The following LTA4H variants were observed in gnomAD, a reference collection of about 807,000 sequenced individuals.
LTA4H encodes leukotriene A4 hydrolase.
LTA4H carries 59 observed loss-of-function variants against 89.8 expected under a neutral mutation model. The ratio of observed to expected loss-of-function variants is 0.66; its 90% CI spans 0.53 to 0.82. The LOEUF is 0.82. Ranked by LOEUF, LTA4H falls within the 40% of genes least tolerant of loss-of-function variation. The pLI is 0.00. For synonymous variants in LTA4H, 227 were observed against 253.1 expected (o/e 0.90, Z 0.98); for missense variants, 617 against 727.0 (o/e 0.85, Z 1.74).
At position 96,024,357 on chromosome 12, in the gene LTA4H, G is replaced by GAATTC. The variant is rs1950488233; in HGVS notation, c.480+121_480+122insGAATT. 18 of 568,154 alleles carry GAATTC rather than the reference G, an allele frequency of 3.2e-5. 1 individual carries two copies. The South Asian group carries it at 4.3e-4, about 14-fold the overall frequency. 35.2% of individuals were successfully genotyped at this position (568,154 alleles called of 1,614,324 possible). A position where few individuals can be genotyped will look rare whatever the true frequency, so the allele number is the denominator to read the frequency against. ...CAGCCTCTTTGTTTACATATTTCAG[G>GAATTC]TAGAATTTCATTAAGAAAAATAATT... On this transcript the variant is annotated intron_variant, in intron 4 of 18. Coordinates refer to ENST00000228740, the MANE Select transcript of LTA4H (RefSeq NM_000895.3).
chr12:96,025,878 A>G (rs1358719161), intron 3 of LTA4H, among the ~76,000 whole-genome samples: 1 of 152,104 alleles, frequency 6.6e-6, no homozygotes. Flanking sequence ...TCTGTTTACA[A>G]ATAAGTCTGT....
chr12:96,001,173 G>A, intron 18 of LTA4H, 67 bp from the exon 19 acceptor site: 2 of 976,630 alleles, frequency 2.0e-6, no homozygotes, highest in South Asian at 2.6e-5. Flanking sequence ...GAAAGGGAGG[G>A]AGAGAAGAAA....
intron 1 of LTA4H, 47 bp downstream of exon 1, chr12:96,035,314 G>A (rs1950627158): frequency 6.4e-7 from 1 of 1,566,650 alleles, no homozygotes; most frequent in Non-Finnish European, 8.7e-7. Context: ...GGGTCGAGGG[G>A]CAGGGAGCCC....
At position 96,019,247 on chromosome 12, in the gene LTA4H, G is replaced by T. The variant is rs1950422314; in HGVS notation, c.639-7C>A. Reference sequence around the variant, plus strand: ...AGTTCTTGGGCCAATTTGCCTGCAAGATTAAAAAGCTTAATAAAAAAGAAA... The same window carrying T: ...AGTTCTTGGGCCAATTTGCCTGCAATATTAAAAAGCTTAATAAAAAAGAAA... On this transcript the variant is annotated splice_region_variant and splice_polypyrimidine_tract_variant and intron_variant, in intron 6 of 18. Coordinates refer to ENST00000228740, the MANE Select transcript of LTA4H (RefSeq NM_000895.3). The T allele has an allele frequency of 1.4e-5, 23 of 1,605,040 alleles. No homozygotes were observed. In the East Asian group the frequency reaches 5.1e-4, roughly 36 times the overall value.
upstream of LTA4H, among the ~76,000 whole-genome samples, chr12:96,038,053 A>C (rs748480081): frequency 8.5e-5 from 13 of 152,138 alleles, no homozygotes; most frequent in Non-Finnish European, 1.5e-4. Context: ...GTTTAGATAT[A>C]CAGGTGAAAG....
chr12:96,018,376 C>T lies in LTA4H; in HGVS notation c.852+387G>A, dbSNP rs142738744. Among the ~76,000 whole-genome samples the T allele has an allele frequency of 4.6e-5, 7 of 152,116 alleles. No individual in the cohort carries two copies. The East Asian group carries it at 1.4e-3, about 29-fold the overall frequency. ...CTACCCTGGCCAATATAGTGAAACC[C>T]CATCTCTACTAAAATTACAAAAATT... On this transcript the variant is annotated intron_variant, in intron 8 of 18. Coordinates refer to ENST00000228740, the MANE Select transcript of LTA4H (RefSeq NM_000895.3).
At chr12:96,041,770 T>C (rs951653283) in intron 1 of LTA4H, among the ~76,000 whole-genome samples, 2 of 151,772 alleles carry the variant, frequency 1.3e-5, no homozygotes, top group African/African-American at 4.8e-5. Context: ...GCCTCCTGAG[T>C]AGCTGGGACT....
intron 3 of LTA4H, 117 bp downstream of exon 3, chr12:96,027,327 T>TA: frequency 1.2e-6 from 1 of 816,354 alleles, no homozygotes; most frequent in African/African-American, 1.8e-5. Flanking sequence ...TAAGATCAAT[T>TA]AATACATTTT....
intron 8 of LTA4H, among the ~76,000 whole-genome samples, chr12:96,017,936 G>A (rs563582164): frequency 6.6e-6 from 1 of 152,124 alleles, no homozygotes; most frequent in East Asian, 1.9e-4. Flanking sequence ...TAAAACTTTA[G>A]AGTGTCCTAT....
intron 18 of LTA4H, among the ~76,000 whole-genome samples, chr12:96,001,394 T>G (rs529013701): frequency 2.6e-4 from 39 of 152,282 alleles, no homozygotes; most frequent in African/African-American, 9.4e-4. Context: ...GCCTTTATAC[T>G]GGCAGATCAG....
intron 8 of LTA4H, 25 bp downstream of exon 8, chr12:96,018,738 C>A: frequency 6.7e-7 from 1 of 1,503,248 alleles, no homozygotes; most frequent in Non-Finnish European, 8.9e-7. Context: ...ACGTCAATTT[C>A]AAATGAAGAA....
intron 1 of LTA4H, among the ~76,000 whole-genome samples, chr12:96,029,695 G>A (rs1950552786): frequency 6.6e-6 from 1 of 152,170 alleles, no homozygotes; most frequent in Admixed American, 6.5e-5. Flanking sequence ...ATTCTGCAGA[G>A]GATTGGGAGG....
intron 1 of LTA4H, among the ~76,000 whole-genome samples, chr12:96,042,770 G>A (rs1454618429): frequency 6.6e-6 from 1 of 152,146 alleles, no homozygotes; most frequent in Admixed American, 6.5e-5. Flanking sequence ...ACCGGTTACA[G>A]AAATAAAAAC....
chr12:96,012,443 G>A (rs1235325245), intron 14 of LTA4H: 1 of 152,496 alleles, frequency 6.6e-6, no homozygotes, highest in African/African-American at 2.4e-5. Flanking sequence ...CGGGCACGGT[G>A]GCTCACGCCT....
intron 1 of LTA4H, among the ~76,000 whole-genome samples, chr12:96,041,586 C>T (rs974316138): frequency 1.1e-4 from 17 of 152,082 alleles, no homozygotes; most frequent in African/African-American, 3.9e-4. Context: ...AATGTGTATC[C>T]CCCTTTACAC....
Position 96,022,769 on chromosome 12 carries a change from G to A in LTA4H, c.481-518C>T, listed in dbSNP as rs76957954. Among the ~76,000 whole-genome samples the A allele has an allele frequency of 1.3e-3, 192 of 152,172 alleles. 2 individuals are homozygous for A. Among genetic ancestry groups the A allele is most frequent in the African/African-American group, 4.5e-3 (186 of 41,506 alleles). On this transcript the variant is annotated intron_variant, in intron 4 of 18. Coordinates refer to ENST00000228740, the MANE Select transcript of LTA4H (RefSeq NM_000895.3). This position sits in a 1 kb window ranked among gnomAD's most constrained non-coding sequence, Gnocchi z 4.0. ...GCTGCAAGGAATAAATAATATAAGTGAAGAGCCCAGCACCATCCCTGGCAA... is the reference window on the plus strand; with the variant it reads ...GCTGCAAGGAATAAATAATATAAGTAAAGAGCCCAGCACCATCCCTGGCAA...
chr12:96,038,488 C>A (rs1355146671), upstream of LTA4H, among the ~76,000 whole-genome samples: 2 of 152,056 alleles, frequency 1.3e-5, no homozygotes, highest in African/African-American at 4.8e-5. Flanking sequence ...TCAAGCGATT[C>A]TCGTGCCTCA....
At chr12:96,007,155 G>C (rs1012494870) in intron 15 of LTA4H, among the ~76,000 whole-genome samples, 1 of 152,132 alleles carries the variant, frequency 6.6e-6, no homozygotes, top group Non-Finnish European at 1.5e-5. Flanking sequence ...AGTAGTTTCT[G>C]TATATCCTTC....
rs1592858686 is a variant in LTA4H, at chr12:96,001,105, C to A, written c.1720G>T (p.Asp574Tyr). The change falls in exon 19 of 19, where the codon GAT becomes TAT. Residue 574 changes from aspartate to tyrosine, a missense_variant and splice_region_variant. Physicochemically the swap from Asp to Tyr is radical, Grantham distance 160. Coordinates refer to ENST00000228740, the MANE Select transcript of LTA4H (RefSeq NM_000895.3). ...RMKFTRPLFK[D>Y]LAAFDKSHDQ... ...TGGGATTTGTCAAAGGCAGCAAGAT[C>A]CCTGCCAAAAAAGAAAAAATTGAAA... 3.7e-6 allele frequency: 6 copies of A among 1,607,700 alleles called. No individual in the cohort carries two copies. Among genetic ancestry groups the A allele is most frequent in the Admixed American group, 1.7e-5 (1 of 59,834 alleles).
Sources: allele counts gnomAD v4.1 joint callset (sites outside exome capture counted in the v4.1 genomes callset), GRCh38; gene constraint gnomAD v4.1.1; non-coding constraint Gnocchi (gnomAD v3.1); transcripts MANE v1.5; gene names NCBI Gene and HGNC (gene_info 2026-07-23, HGNC 2026-07-21).